The following ABAT variants were observed in gnomAD, a reference collection of about 807,000 sequenced individuals.
ABAT encodes the protein 4-aminobutyrate aminotransferase, mitochondrial.
A neutral mutation model predicts 64.6 loss-of-function variants in ABAT; 45 were observed. The observed-to-expected ratio is 0.70, with a 90% CI of 0.55 to 0.89. The LOEUF is 0.89. Among genes scored for constraint, ABAT ranks in the 40% least tolerant of loss-of-function variants. ABAT has a pLI of 0.00. For synonymous variants in ABAT, 297 were observed against 250.5 expected (o/e 1.19, Z -1.75); for missense variants, 633 against 658.4 (o/e 0.96, Z 0.42).
intron 1 of ABAT, chr16:8,722,858 G>C (rs991254255): frequency 7.8e-7 from 1 of 1,289,092 alleles, no homozygotes; most frequent in Non-Finnish European, 1.0e-6. Context: ...AGCAAGGCTT[G>C]GGGAAAATGC....
At chr16:8,690,765 A>G (rs1259376631) in intron 1 of ABAT, among the ~76,000 whole-genome samples, 4 of 152,206 alleles carry the variant, frequency 2.6e-5, no homozygotes, top group Admixed American at 2.6e-4. Context: ...TTTCTATAGA[A>G]TTGTGGGGAG....
At chr16:8,678,628 G>T (rs1335188129) in intron 1 of ABAT, among the ~76,000 whole-genome samples, 1 of 152,150 alleles carries the variant, frequency 6.6e-6, no homozygotes, top group African/African-American at 2.4e-5. Flanking sequence ...ATGCTCTTTG[G>T]TCCAGCAATC....
intron 1 of ABAT, among the ~76,000 whole-genome samples, chr16:8,681,889 G>A (rs528318023): frequency 2.0e-5 from 3 of 151,246 alleles, no homozygotes; most frequent in Admixed American, 6.6e-5. Flanking sequence ...TGATCCACCC[G>A]CCTCGGCCTC....
At chr16:8,753,715 G>A (rs1044968979) in intron 5 of ABAT, among the ~76,000 whole-genome samples, 17 of 152,158 alleles carry the variant, frequency 1.1e-4, no homozygotes, top group Non-Finnish European at 1.9e-4. Flanking sequence ...TGAGTAAGGT[G>A]TACTTTTCAG....
intron 9 of ABAT, among the ~76,000 whole-genome samples, chr16:8,767,274 AC>A (rs1481608742): frequency 6.6e-6 from 1 of 152,138 alleles, no homozygotes; most frequent in Non-Finnish European, 1.5e-5. Context: ...CCCCTCCTGA[AC>A]CCAAGGCGCA....
At chr16:8,725,191 T>C (rs900057660) in intron 1 of ABAT, among the ~76,000 whole-genome samples, 1 of 152,232 alleles carries the variant, frequency 6.6e-6, no homozygotes, top group Non-Finnish European at 1.5e-5. Flanking sequence ...GCTACGATTA[T>C]AGGCGTGAGC....
intron 1 of ABAT, among the ~76,000 whole-genome samples, chr16:8,676,738 G>T (rs545432101): frequency 6.6e-6 from 1 of 152,328 alleles, no homozygotes; most frequent in Admixed American, 6.5e-5. Context: ...TTTGCTCCAA[G>T]AACTTTGGAC....
At chr16:8,715,964 T>A (rs1453150955) in intron 1 of ABAT, among the ~76,000 whole-genome samples, 1 of 152,172 alleles carries the variant, frequency 6.6e-6, no homozygotes, top group African/African-American at 2.4e-5. Flanking sequence ...GGCACGAGTG[T>A]GGCAAAATGT....
At chr16:8,697,628 T>G (rs1441079032) in intron 1 of ABAT, among the ~76,000 whole-genome samples, 2 of 130,102 alleles carry the variant, frequency 1.5e-5, no homozygotes, top group Non-Finnish European at 3.3e-5. Context: ...TTGTTGTTTG[T>G]TTTTTGTTTT....
In ABAT at chr16:8,781,650, T is replaced by A; in HGVS notation, c.*220T>A. The A allele has an allele frequency of 3.2e-6, 2 of 634,104 alleles. No homozygotes were observed. The highest frequency in any genetic ancestry group is 5.5e-6 in the Non-Finnish European group (2 of 360,998). The allele number at this position is 634,104 out of a possible 1,614,324, so 39.3% of individuals were successfully genotyped here. A position where few individuals can be genotyped will look rare whatever the true frequency, so the allele number is the denominator to read the frequency against. On this transcript the variant is annotated 3_prime_UTR_variant, in exon 16 of 16. Coordinates refer to ENST00000268251, the MANE Select transcript of ABAT (RefSeq NM_020686.6). This position sits in a 1 kb window ranked among gnomAD's most constrained non-coding sequence, Gnocchi z 4.5. ...GCAGAGCCAATGGTGCACATTGGTT[T>A]AAGCCCAGAGATCCTGCTTGAGCCC...
chr16:8,712,588 A>C (rs887532059), intron 1 of ABAT, among the ~76,000 whole-genome samples: 12 of 152,294 alleles, frequency 7.9e-5, no homozygotes, highest in Non-Finnish European at 8.8e-5. Flanking sequence ...CCAGGTTCCC[A>C]ATCTGTAGCA....
At chr16:8,733,436 C>T (rs528542216) in intron 1 of ABAT, among the ~76,000 whole-genome samples, 5 of 151,782 alleles carry the variant, frequency 3.3e-5, no homozygotes, top group Non-Finnish European at 5.9e-5. Context: ...GGGTGGCGGC[C>T]GGGCAGAGGC....
At chr16:8,767,294 G>A (rs1277479195) in intron 9 of ABAT, among the ~76,000 whole-genome samples, 2 of 152,238 alleles carry the variant, frequency 1.3e-5, no homozygotes, top group Non-Finnish European at 2.9e-5. Flanking sequence ...CAGCTGCCAT[G>A]GGAGAGTGCC....
rs149323974 is a variant in ABAT, at chr16:8,731,085, C to A, written c.-41-4614C>A. Reference sequence around the variant, plus strand: ...TCAAGCGATTCTTGTGCCTCAGACTCCTGAGTAGCTGGGATTACAGGCGTG... The same window carrying A: ...TCAAGCGATTCTTGTGCCTCAGACTACTGAGTAGCTGGGATTACAGGCGTG... On this transcript the variant is annotated intron_variant, in intron 1 of 15. Transcript: ENST00000268251. Among the ~76,000 whole-genome samples, 656 of 152,250 alleles carry A rather than the reference C, an allele frequency of 4.3e-3. 3 individuals carry two copies. The highest frequency in any genetic ancestry group is 7.3e-3 in the Non-Finnish European group (500 of 68,032).
intron 1 of ABAT, among the ~76,000 whole-genome samples, chr16:8,689,577 C>T (rs1336756371): frequency 6.6e-6 from 1 of 152,096 alleles, no homozygotes; most frequent in African/African-American, 2.4e-5. Flanking sequence ...AGACATGAAC[C>T]AAATAATTCC....
chr16:8,738,251 A>G (rs980436657), intron 2 of ABAT, among the ~76,000 whole-genome samples: 12 of 151,718 alleles, frequency 7.9e-5, no homozygotes, highest in African/African-American at 2.9e-4. Context: ...AGCCTGGGAG[A>G]TCGAGGCTGC....
intron 6 of ABAT, among the ~76,000 whole-genome samples, chr16:8,758,891 C>T (rs917244666): frequency 6.6e-6 from 1 of 152,034 alleles, no homozygotes; most frequent in African/African-American, 2.4e-5. Flanking sequence ...TGAGGGAGGT[C>T]AGGAGTTCAA....
In ABAT at chr16:8,764,003, C is replaced by T; in HGVS notation, c.367-66C>T. 7.3e-7 allele frequency: 1 copy of T among 1,370,164 alleles called. No homozygotes were observed. Among genetic ancestry groups the T allele is most frequent in the South Asian group, 1.2e-5 (1 of 86,056 alleles). 84.9% of individuals were successfully genotyped at this position (1,370,164 alleles called of 1,614,324 possible). A position where few individuals can be genotyped will look rare whatever the true frequency, so the allele number is the denominator to read the frequency against. ...TTGAACACAGGGGCTATGAAAAGCA[C>T]CATTTGTGGGCAGGGAGCTGGGTCA... On this transcript the variant is annotated intron_variant, in intron 6 of 15. Coordinates refer to ENST00000268251, the MANE Select transcript of ABAT (RefSeq NM_020686.6). The surrounding 1 kb of genome is among the most constrained non-coding windows in gnomAD (Gnocchi z 4.2).
At chr16:8,724,311 A>C (rs958455325) in intron 1 of ABAT, among the ~76,000 whole-genome samples, 29 of 152,254 alleles carry the variant, frequency 1.9e-4, no homozygotes, top group African/African-American at 6.5e-4. Flanking sequence ...AATGAAAAAT[A>C]AAAAATAAGT....
Sources: gnomAD v4.1 joint callset for allele counts (sites outside exome capture counted in the v4.1 genomes callset) on GRCh38, gnomAD v4.1.1 for gene constraint, Gnocchi (gnomAD v3.1) non-coding constraint, MANE v1.5 for transcripts, NCBI Gene and HGNC (gene_info 2026-07-23, HGNC 2026-07-21) for gene names.